The following SWT1 variants were observed in gnomAD, a reference collection of about 807,000 sequenced individuals.
SWT1 encodes the protein transcriptional protein SWT1.
In SWT1, 33 loss-of-function variants were observed where a neutral mutation model predicts 107.3. The ratio of observed to expected loss-of-function variants is 0.31; its 90% CI spans 0.23 to 0.41. The LOEUF is 0.41. SWT1 is among the 10% of genes least tolerant of loss of function. The probability of loss-of-function intolerance (pLI) is 1.00; values close to 1 mark genes in which losing one functional copy is unlikely to be tolerated. For missense variants in SWT1, 898 were observed against 1,028.9 expected (o/e 0.87, Z 1.74); for synonymous variants, 345 against 348.3 (o/e 0.99, Z 0.11).
intron 16 of SWT1, among the ~76,000 whole-genome samples, chr1:185,266,349 C>G (rs1663391184): frequency 6.6e-6 from 1 of 152,194 alleles, no homozygotes; most frequent in South Asian, 2.1e-4. Context: ...CAGGCGTGAG[C>G]CACCGTGCCC....
chr1:185,178,854 G>A (rs907507152), intron 5 of SWT1, among the ~76,000 whole-genome samples: 1 of 152,188 alleles, frequency 6.6e-6, no homozygotes, highest in Admixed American at 6.5e-5. Flanking sequence ...TGTGAAGTGT[G>A]TTGTTATATC....
At chr1:185,286,616 C>T (rs796873312) in intron 18 of SWT1, among the ~76,000 whole-genome samples, 56 of 152,184 alleles carry the variant, frequency 3.7e-4, no homozygotes, top group African/African-American at 1.3e-3. Flanking sequence ...TCCTTTTCTG[C>T]TTGTTCATTG....
intron 16 of SWT1, among the ~76,000 whole-genome samples, chr1:185,246,656 G>T (rs988285750): frequency 6.1e-5 from 9 of 146,796 alleles, no homozygotes; most frequent in African/African-American, 2.3e-4. Context: ...ATAGAGGGGG[G>T]TCTCACTTTG....
At chr1:185,278,785 A>G (rs981343776) in intron 18 of SWT1, among the ~76,000 whole-genome samples, 16 of 152,212 alleles carry the variant, frequency 1.1e-4, no homozygotes, top group Non-Finnish European at 2.1e-4. Context: ...TTTGGGACAC[A>G]TTTTTAAAAA....
At chr1:185,205,095 T>C (rs1320577214) in intron 12 of SWT1, among the ~76,000 whole-genome samples, 1 of 152,134 alleles carries the variant, frequency 6.6e-6, no homozygotes, top group East Asian at 1.9e-4. Flanking sequence ...TTATTTTGCA[T>C]CTGCTGTGTG....
At chr1:185,200,810 G>A (rs148196618) in intron 10 of SWT1, among the ~76,000 whole-genome samples, 24 of 152,166 alleles carry the variant, frequency 1.6e-4, no homozygotes, top group Non-Finnish European at 3.1e-4. Context: ...CTTCAGAGCC[G>A]GCAGGCAGGA....
At chr1:185,158,716 G>A (rs747784631) in intron 1 of SWT1, among the ~76,000 whole-genome samples, 1 of 152,110 alleles carries the variant, frequency 6.6e-6, no homozygotes, top group Admixed American at 6.5e-5. Flanking sequence ...CCTGAAGAAG[G>A]AATCGTCAAT....
chr1:185,168,080 G>C (rs777810449), intron 3 of SWT1, among the ~76,000 whole-genome samples: 2 of 152,140 alleles, frequency 1.3e-5, no homozygotes, highest in Non-Finnish European at 2.9e-5. Flanking sequence ...TAGAGAGATA[G>C]GATGGTAGCG....
intron 16 of SWT1, among the ~76,000 whole-genome samples, chr1:185,249,936 T>TA (rs1246408866): frequency 6.6e-6 from 1 of 152,218 alleles, no homozygotes; most frequent in Non-Finnish European, 1.5e-5. Context: ...TTTCTTTTTG[T>TA]ATTACTTCTC....
intron 10 of SWT1, 108 bp downstream of exon 10, chr1:185,190,750 C>G (rs1656880759): frequency 1.6e-6 from 1 of 627,546 alleles, no homozygotes; most frequent in African/African-American, 1.8e-5. Context: ...ACATAATTTT[C>G]CAAATCTGCC....
intron 18 of SWT1, among the ~76,000 whole-genome samples, chr1:185,285,366 G>T (rs1403315055): frequency 6.6e-6 from 1 of 152,034 alleles, no homozygotes; most frequent in African/African-American, 2.4e-5. Flanking sequence ...AAAACTTGAT[G>T]GTTACTTTTA....
At chr1:185,205,885 T>A (rs1658294217) in intron 12 of SWT1, among the ~76,000 whole-genome samples, 1 of 152,224 alleles carries the variant, frequency 6.6e-6, no homozygotes, top group Non-Finnish European at 1.5e-5. Context: ...AAGGAAGTGC[T>A]GACATCTTAT....
chr1:185,169,272 T>C (rs1654842811), intron 4 of SWT1, among the ~76,000 whole-genome samples: 1 of 151,376 alleles, frequency 6.6e-6, no homozygotes, highest in Non-Finnish European at 1.5e-5. Flanking sequence ...CCTTTTACAC[T>C]GATATCCTTT....
chr1:185,180,374 A>C lies in SWT1; in HGVS notation c.967-17A>C. On this transcript the variant is annotated splice_polypyrimidine_tract_variant and intron_variant, in intron 5 of 18. Transcript: ENST00000367500. ...GTTATGCTTTATTCTTAGCTAATGA[A>C]ATTACTTTCATTTCAGAGTTTTGAA... 1 of 1,605,038 alleles carries C rather than the reference A, an allele frequency of 6.2e-7. No homozygotes were observed. Among genetic ancestry groups the C allele is most frequent in the East Asian group, 2.2e-5 (1 of 44,816 alleles).
At chr1:185,282,580 C>T (rs1664701045) in intron 18 of SWT1, among the ~76,000 whole-genome samples, 1 of 152,030 alleles carries the variant, frequency 6.6e-6, no homozygotes, top group South Asian at 2.1e-4. Flanking sequence ...TAGCAGACTA[C>T]ACCTGAGGAG....
At chr1:185,211,421 TAA>T (rs1053235271) in intron 13 of SWT1, among the ~76,000 whole-genome samples, 4 of 152,200 alleles carry the variant, frequency 2.6e-5, no homozygotes, top group Non-Finnish European at 4.4e-5. Flanking sequence ...TCTATTTTTA[TAA>T]GTTACCAATT....
At chr1:185,257,694 G>T (rs1033683663) in intron 16 of SWT1, among the ~76,000 whole-genome samples, 11 of 152,242 alleles carry the variant, frequency 7.2e-5, no homozygotes, top group Non-Finnish European at 1.5e-4. Context: ...ACTCCCTAGT[G>T]AGATGAACCT....
At chr1:185,165,253 C>G (rs1296837154) in intron 2 of SWT1, among the ~76,000 whole-genome samples, 1 of 152,016 alleles carries the variant, frequency 6.6e-6, no homozygotes, top group Non-Finnish European at 1.5e-5. Context: ...ATCACAGGTC[C>G]CATAGCAGTA....
intron 13 of SWT1, among the ~76,000 whole-genome samples, chr1:185,207,673 G>A (rs1164698417): frequency 1.3e-5 from 2 of 152,110 alleles, no homozygotes; most frequent in Non-Finnish European, 2.9e-5. Context: ...AGGCCAAGGT[G>A]GGTGAATTGC....
Sources: allele counts gnomAD v4.1 joint callset (sites outside exome capture counted in the v4.1 genomes callset), GRCh38; gene constraint gnomAD v4.1.1; transcripts MANE v1.5; gene names NCBI Gene and HGNC (gene_info 2026-07-23, HGNC 2026-07-21).